ALG14: variants seen among roughly 807,000 people sequenced by gnomAD.
ALG14 encodes the protein UDP-N-acetylglucosamine transferase subunit ALG14.
Under a neutral mutation model 22.8 loss-of-function variants are expected in ALG14, and 17 were observed. The observed-to-expected ratio is 0.75, with a 90% confidence interval of 0.51 to 1.12. ALG14 has a LOEUF of 1.12. Ranked by LOEUF, ALG14 falls within the 50% of genes most tolerant of loss-of-function variation. The pLI is 0.00. For synonymous variants in ALG14, 89 were observed against 103.7 expected, an observed-to-expected ratio of 0.86 and a Z score of 0.86; for missense variants, 288 against 271.8, an observed-to-expected ratio of 1.06 and a Z score of -0.42.
rs181773784 is a variant in ALG14 at position 95,026,308 on chromosome 1, C to G, written c.420+821G>C. ...TTGACTAACTGCCTATTGCAAATGC[C>G]TTCCTCACTAAGCTTAATCATTTCT... On this transcript the variant is annotated intron_variant, in intron 3 of 3. Transcript: ENST00000370205. Among the ~76,000 whole-genome samples the G allele has an allele frequency of 5.9e-3, 905 of 152,274 alleles. 6 individuals carry two copies. The highest frequency in any genetic ancestry group is 0.012 in the Admixed American group (185 of 15,292).
chr1:95,067,263 C>G (rs1259938909), intron 1 of ALG14: 2 of 152,262 alleles, frequency 1.3e-5, no homozygotes, highest in Non-Finnish European at 2.9e-5. Flanking sequence ...CCAGCAGTTG[C>G]CTGCCTAACC....
chr1:95,027,023 T>C, intron 3 of ALG14, 106 bp downstream of exon 3: 1 of 1,403,230 alleles, frequency 7.1e-7, no homozygotes, highest in Non-Finnish European at 9.7e-7. Context: ...GCATACTACC[T>C]GGCACACTAA....
At chr1:94,985,291 G>A (rs1672613986) in intron 3 of ALG14, among the ~76,000 whole-genome samples, 1 of 152,076 alleles carries the variant, frequency 6.6e-6, no homozygotes, top group Non-Finnish European at 1.5e-5. Context: ...TTATTGCCAG[G>A]CACTACTAAT....
At chr1:95,032,457 G>C (rs970704980) in intron 2 of ALG14, among the ~76,000 whole-genome samples, 1 of 152,160 alleles carries the variant, frequency 6.6e-6, no homozygotes, top group African/African-American at 2.4e-5. Context: ...AACCCCAAAG[G>C]TTGGGGAAAC....
chr1:95,026,462 ATGTGTGTGTGTGTG>A (rs141495807), intron 3 of ALG14, among the ~76,000 whole-genome samples: 20 of 142,352 alleles, frequency 1.4e-4, no homozygotes, highest in Middle Eastern at 3.4e-3. Flanking sequence ...AGCCCAAGGA[ATGTGTGTGTGTGTG>A]TGTGTGTGTG....
intron 2 of ALG14, among the ~76,000 whole-genome samples, chr1:95,047,169 CTG>C (rs1253212718): frequency 6.6e-6 from 1 of 152,068 alleles, no homozygotes; most frequent in Non-Finnish European, 1.5e-5. Context: ...ACACCCAACA[CTG>C]TCTCTAGGGT....
At chr1:95,072,611 T>C in intron 1 of ALG14, 152 bp downstream of exon 1, 1 of 1,163,322 alleles carries the variant, frequency 8.6e-7, no homozygotes, top group Non-Finnish European at 1.2e-6. Flanking sequence ...CTACCCTGGC[T>C]GGACTGCCCG....
intron 2 of ALG14, among the ~76,000 whole-genome samples, chr1:95,037,731 A>C (rs1424800936): frequency 6.6e-6 from 1 of 152,210 alleles, no homozygotes; most frequent in Non-Finnish European, 1.5e-5. Context: ...CTTTGTCCTT[A>C]AAATGGTAAG....
intron 3 of ALG14, among the ~76,000 whole-genome samples, chr1:95,012,285 TTTAA>T (rs1437378589): frequency 6.6e-6 from 1 of 152,244 alleles, no homozygotes; most frequent in Non-Finnish European, 1.5e-5. Context: ...CCAAATTTAG[TTTAA>T]TTCTCATTTC....
At position 95,027,264 on chromosome 1, in the gene ALG14, G is replaced by A. The variant is rs767492224; in HGVS notation, c.289-4C>T. 4 of 1,613,906 alleles carry A rather than the reference G, an allele frequency of 2.5e-6. No individual in the cohort carries two copies. Among genetic ancestry groups the A allele is most frequent in the Admixed American group, 1.7e-5 (1 of 60,010 alleles). On this transcript the variant is annotated splice_region_variant and splice_polypyrimidine_tract_variant and intron_variant, in intron 2 of 3. Coordinates refer to ENST00000370205, the MANE Select transcript of ALG14 (RefSeq NM_144988.4). ...GGTGAATGTAGTATTTGGTATACTA[G>A]AAGGAAACAGATGGAATCCAAATCA...
In ALG14 at chr1:94,995,439, G is replaced by A. The variant is rs12037458; in HGVS notation, c.421-12133C>T. ...AAGAACGTGGTATTTTGGGCAAGGC[G>A]CAGTGGCTCAGGCCTGTAATCCCAG... On this transcript the variant is annotated intron_variant, in intron 3 of 3. Coordinates refer to ENST00000370205, the MANE Select transcript of ALG14 (RefSeq NM_144988.4). Among the ~76,000 whole-genome samples, 347 of 152,332 alleles carry A rather than the reference G, an allele frequency of 2.3e-3. 8 individuals carry two copies. The East Asian group carries it at 0.054, about 24-fold the overall frequency.
chr1:95,028,523 A>C (rs1673896296), intron 2 of ALG14, among the ~76,000 whole-genome samples: 1 of 152,172 alleles, frequency 6.6e-6, no homozygotes, highest in African/African-American at 2.4e-5. Flanking sequence ...TCATTAAAAA[A>C]AATCTGGAAC....
chr1:95,033,418 T>C (rs554076255), intron 2 of ALG14, among the ~76,000 whole-genome samples: 282 of 130,422 alleles, frequency 2.2e-3, no homozygotes, highest in African/African-American at 7.2e-3. Context: ...TATATATATA[T>C]ATACACACAC....
intron 2 of ALG14, among the ~76,000 whole-genome samples, chr1:95,063,205 G>A (rs1414205760): frequency 6.6e-6 from 1 of 152,188 alleles, no homozygotes; most frequent in Admixed American, 6.5e-5. Flanking sequence ...ACCTTTGTCA[G>A]ATGGACATAT....
At chr1:94,995,424 T>C (rs1292226346) in intron 3 of ALG14, among the ~76,000 whole-genome samples, 1 of 152,180 alleles carries the variant, frequency 6.6e-6, no homozygotes. Flanking sequence ...AAGAACGTGG[T>C]ATTTTGGGCA....
intron 2 of ALG14, among the ~76,000 whole-genome samples, chr1:95,032,447 A>G (rs1674040576): frequency 6.6e-6 from 1 of 152,164 alleles, no homozygotes; most frequent in Admixed American, 6.5e-5. Context: ...GAAGGCACCA[A>G]ACCCCAAAGG....
chr1:95,044,219 T>C (rs1674473254), intron 2 of ALG14, among the ~76,000 whole-genome samples: 1 of 152,194 alleles, frequency 6.6e-6, no homozygotes, highest in Non-Finnish European at 1.5e-5. Flanking sequence ...CATTATCTCT[T>C]GCTGGGATTT....
At chr1:95,041,946 TG>T (rs1674394244) in intron 2 of ALG14, among the ~76,000 whole-genome samples, 1 of 152,312 alleles carries the variant, frequency 6.6e-6, no homozygotes, top group Admixed American at 6.5e-5. Context: ...GCAAAACTTT[TG>T]TACTTCCAAA....
In ALG14 at chr1:94,976,885, G is replaced by A. The variant is rs1050795342; in HGVS notation, c.*6191C>T. The A allele has an allele frequency of 6.6e-6, 1 of 152,150 alleles. No individual in the cohort carries two copies. The highest frequency in any genetic ancestry group is 2.4e-5 in the African/African-American group (1 of 41,434). 9.4% of individuals were successfully genotyped at this position (152,150 alleles called of 1,614,324 possible). A position where few individuals can be genotyped will look rare whatever the true frequency, so the allele number is the denominator to read the frequency against. On this transcript the variant is annotated 3_prime_UTR_variant, in exon 4 of 4. Transcript: ENST00000370205. ...TTGACCTTGAATTAATCAAAAGGGA[G>A]ATTACACTGACTCAGTCATGTGAGT... is the stretch of plus-strand genomic sequence containing the variant.
Sources: gnomAD v4.1 joint callset for allele counts (sites outside exome capture counted in the v4.1 genomes callset) on GRCh38, gnomAD v4.1.1 for gene constraint, MANE v1.5 for transcripts, NCBI Gene and HGNC (gene_info 2026-07-23, HGNC 2026-07-21) for gene names.